The following PIK3CA variants were observed in gnomAD, a reference collection of about 807,000 sequenced individuals.
PIK3CA encodes phosphatidylinositol 4,5-bisphosphate 3-kinase catalytic subunit alpha isoform.
Under a neutral mutation model 138.2 loss-of-function variants are expected in PIK3CA, and 27 were observed. The observed-to-expected ratio is 0.20, with a 90% confidence interval of 0.14 to 0.27. The LOEUF is 0.27. PIK3CA is among the 10% of genes least tolerant of loss of function. The probability of loss-of-function intolerance (pLI) is 1.00; values close to 1 mark genes in which losing one functional copy is unlikely to be tolerated. For synonymous variants in PIK3CA, 358 were observed against 413.2 expected (o/e 0.87, Z 1.62); for missense variants, 544 against 1,277.4 (o/e 0.43, Z 8.75).
intron 1 of PIK3CA, among the ~76,000 whole-genome samples, chr3:179,166,890 T>C (rs1723435006): frequency 6.6e-6 from 1 of 152,128 alleles, no homozygotes; most frequent in Non-Finnish European, 1.5e-5. Flanking sequence ...AACCAAATGT[T>C]AGCAATGAAA....
At position 179,239,377 on chromosome 3, in the gene PIK3CA, ATATAAT is replaced by A. The variant is rs1229194554; in HGVS notation, c.*5016_*5021del. 1.0e-5 allele frequency: 2 copies of A among 196,790 alleles called. No individual in the cohort carries two copies. The highest frequency in any genetic ancestry group is 4.6e-5 in the African/African-American group (2 of 43,274). 12.2% of individuals were successfully genotyped at this position (196,790 alleles called of 1,614,324 possible). On this transcript the variant is annotated 3_prime_UTR_variant, in exon 21 of 21. Coordinates refer to ENST00000263967, the MANE Select transcript of PIK3CA (RefSeq NM_006218.4). ...AAAACCTTCATTGTTTCATATTAAA[ATATAAT>A]TAGACTAAACTTAATTCTAGTATGA...
At position 179,203,706 on chromosome 3, in the gene PIK3CA, T is replaced by A. The variant is rs2108393082; in HGVS notation, c.976T>A (p.Ser326Thr). 1 of 1,613,570 alleles carries A rather than the reference T, an allele frequency of 6.2e-7. No homozygotes were observed. Among genetic ancestry groups the A allele is most frequent in the South Asian group, 1.1e-5 (1 of 91,078 alleles). The change falls in exon 5 of 21, where the codon TCC becomes ACC. Residue 326 changes from serine (S) to threonine (T), a missense_variant. Coordinates refer to ENST00000263967, the MANE Select transcript of PIK3CA (RefSeq NM_006218.4). ...PYMNGETSTK[S>T]LWVINSALRI... Reference sequence around the variant, plus strand: ...TATGAATGGAGAAACATCTACAAAATCCCTTTGGGTTATAAATAGTGCACT... The same window carrying A: ...TATGAATGGAGAAACATCTACAAAAACCCTTTGGGTTATAAATAGTGCACT...
rs1054167804 is a variant in PIK3CA at position 179,230,650 on chromosome 3, A to G, written c.2936+274A>G. Among the ~76,000 whole-genome samples the G allele has an allele frequency of 5.3e-5, 8 of 152,180 alleles. No homozygotes were observed. Among genetic ancestry groups the G allele is most frequent in the Non-Finnish European group, 8.8e-5 (6 of 68,010 alleles). On this transcript the variant is annotated intron_variant, in intron 20 of 20. Transcript: ENST00000263967. This position sits in a 1 kb window ranked among gnomAD's most constrained non-coding sequence, Gnocchi z 5.4. ...TGCACTGTAGTCCCAGCTACTCAGG[A>G]GGCTGAGATGGGAGGATCACTTGAG...
chr3:179,222,545 G>A (rs151287337), intron 14 of PIK3CA, among the ~76,000 whole-genome samples: 21 of 152,212 alleles, frequency 1.4e-4, no homozygotes, highest in East Asian at 1.2e-3. Flanking sequence ...TGAAAATATC[G>A]TACAGGCAAA....
At chr3:179,170,437 G>C (rs944740768) in intron 1 of PIK3CA, among the ~76,000 whole-genome samples, 6 of 152,164 alleles carry the variant, frequency 3.9e-5, no homozygotes, top group African/African-American at 1.4e-4. Flanking sequence ...GTTCATATAT[G>C]CTTTTTAACA....
chr3:179,162,198 T>A (rs1723301401), intron 1 of PIK3CA, among the ~76,000 whole-genome samples: 1 of 152,154 alleles, frequency 6.6e-6, no homozygotes, highest in Admixed American at 6.5e-5. Context: ...AGTGTGAATT[T>A]ATGTGTATAT....
intron 1 of PIK3CA, among the ~76,000 whole-genome samples, chr3:179,195,012 C>CA (rs11316257): frequency 0.014 from 1,301 of 95,866 alleles, 10 homozygotes; most frequent in Middle Eastern, 0.038. Flanking sequence ...AGGTACTTCT[C>CA]AAAAAAAAAA....
chr3:179,177,300 A>C (rs1723721011), intron 1 of PIK3CA, among the ~76,000 whole-genome samples: 1 of 142,876 alleles, frequency 7.0e-6, no homozygotes, highest in Admixed American at 7.5e-5. Context: ...TATAGCATTA[A>C]TATTCTCTTT....
intron 1 of PIK3CA, among the ~76,000 whole-genome samples, chr3:179,179,882 G>A (rs1723797142): frequency 6.6e-6 from 1 of 152,186 alleles, no homozygotes; most frequent in African/African-American, 2.4e-5. Flanking sequence ...GGACTTTACA[G>A]AAGCTACTTG....
At position 179,210,457 on chromosome 3, in the gene PIK3CA, T is replaced by G; in HGVS notation, c.1431T>G (p.Phe477Leu). 6.2e-7 allele frequency: 1 copy of G among 1,613,984 alleles called. No individual in the cohort carries two copies. The highest frequency in any genetic ancestry group is 2.2e-5 in the East Asian group (1 of 44,856). Residue 477 changes from phenylalanine (F) to leucine (L), a missense_variant, in exon 9 of 21, where the codon TTT becomes TTG. Coordinates refer to ENST00000263967, the MANE Select transcript of PIK3CA (RefSeq NM_006218.4). ...NKETPCLELE[F>L]DWFSSVVKFP... Reference sequence around the variant, plus strand: ...AAACTCCATGCTTAGAGTTGGAGTTTGACTGGTTCAGCAGTGTGGTAAAGT... The same window carrying G: ...AAACTCCATGCTTAGAGTTGGAGTTGGACTGGTTCAGCAGTGTGGTAAAGT...
At chr3:179,171,663 G>A (rs547494934) in intron 1 of PIK3CA, among the ~76,000 whole-genome samples, 1 of 152,088 alleles carries the variant, frequency 6.6e-6, no homozygotes, top group Non-Finnish European at 1.5e-5. Flanking sequence ...TTCTTTGAAA[G>A]ATACTAATTA....
chr3:179,220,416 T>A lies in PIK3CA; in HGVS notation c.2015+364T>A, dbSNP rs1724938875. Among the ~76,000 whole-genome samples, 1 of 152,178 alleles carries A rather than the reference T, an allele frequency of 6.6e-6. No homozygotes were observed. The highest frequency in any genetic ancestry group is 1.5e-5 in the Non-Finnish European group (1 of 68,024). ...TTTTACCTTGAAATTCAGAACAATG[T>A]CAAACTCCCGTGGTTCTTACTGAAA... On this transcript the variant is annotated intron_variant, in intron 13 of 20. Coordinates refer to ENST00000263967, the MANE Select transcript of PIK3CA (RefSeq NM_006218.4). This position sits in a 1 kb window ranked among gnomAD's most constrained non-coding sequence, Gnocchi z 4.1.
At chr3:179,228,692 C>T (rs747874029) in intron 17 of PIK3CA, among the ~76,000 whole-genome samples, 6 of 151,888 alleles carry the variant, frequency 4.0e-5, no homozygotes, top group African/African-American at 7.2e-5. Context: ...GAATTTCACT[C>T]TTCTCACTAA....
intron 1 of PIK3CA, among the ~76,000 whole-genome samples, chr3:179,173,779 T>G (rs1421172182): frequency 6.6e-6 from 1 of 152,016 alleles, no homozygotes; most frequent in Non-Finnish European, 1.5e-5. Flanking sequence ...CAGGCTAGAG[T>G]GCAATGGCAC....
chr3:179,207,562 T>C (rs1185258781), intron 6 of PIK3CA, among the ~76,000 whole-genome samples: 1 of 151,554 alleles, frequency 6.6e-6, no homozygotes, highest in Non-Finnish European at 1.5e-5. Flanking sequence ...TTTTTTTTTT[T>C]TGGAGGCGGA....
At chr3:179,151,583 TTTTG>T (rs924009701) in intron 1 of PIK3CA, among the ~76,000 whole-genome samples, 5 of 152,164 alleles carry the variant, frequency 3.3e-5, no homozygotes, top group African/African-American at 1.2e-4. Context: ...CTGTGTTTTG[TTTTG>T]TTTGTTTTGA....
chr3:179,149,238 A>G (rs1172365672), intron 1 of PIK3CA, among the ~76,000 whole-genome samples: 1 of 151,994 alleles, frequency 6.6e-6, no homozygotes, highest in Non-Finnish European at 1.5e-5. Flanking sequence ...TCATTCATAG[A>G]CCTGAGACAC....
At chr3:179,227,091 CTT>C (rs1385599793) in intron 17 of PIK3CA, among the ~76,000 whole-genome samples, 1 of 151,834 alleles carries the variant, frequency 6.6e-6, no homozygotes, top group African/African-American at 2.4e-5. Flanking sequence ...AAAGTAATGA[CTT>C]TGCAAAAAAG....
At chr3:179,212,601 C>T (rs560614163) in intron 9 of PIK3CA, among the ~76,000 whole-genome samples, 20 of 151,838 alleles carry the variant, frequency 1.3e-4, no homozygotes, top group Admixed American at 3.9e-4. Context: ...GAGACTCCGT[C>T]TCAAAAAAAC....
Sources: gnomAD v4.1 joint callset for allele counts (sites outside exome capture counted in the v4.1 genomes callset) on GRCh38, gnomAD v4.1.1 for gene constraint, Gnocchi (gnomAD v3.1) non-coding constraint, MANE v1.5 for transcripts, NCBI Gene and HGNC (gene_info 2026-07-23, HGNC 2026-07-21) for gene names.